PLCL1: variants seen among roughly 807,000 people sequenced by gnomAD.
PLCL1 encodes the protein phospholipase C like 1 (inactive), also known as inactive phospholipase C-like protein 1.
A neutral mutation model predicts 84.4 loss-of-function variants in PLCL1; 41 were observed. The ratio of observed to expected loss-of-function variants is 0.49; its 90% CI spans 0.38 to 0.63. PLCL1 has a LOEUF of 0.63. Among genes scored for constraint, PLCL1 ranks in the 30% least tolerant of loss-of-function variants. The pLI is 0.00. For synonymous variants in PLCL1, 490 were observed against 488.3 expected (o/e 1.00, Z -0.05); for missense variants, 1,206 against 1,367.8 (o/e 0.88, Z 1.87).
chr2:197,889,151 G>A (rs954709990), intron 1 of PLCL1, among the ~76,000 whole-genome samples: 1 of 152,162 alleles, frequency 6.6e-6, no homozygotes, highest in Non-Finnish European at 1.5e-5. Context: ...TTACAGATGA[G>A]GAAGTGAGAA....
In PLCL1 at chr2:197,903,697, GT is replaced by G. The variant is rs1245205507; in HGVS notation, c.240+98361del. On this transcript the variant is annotated intron_variant, in intron 1 of 5. Transcript: ENST00000428675. ...TTTTTGTATTTTTAGTAGAGACAGG[GT>G]TTCACCGTGTTAGCCGGGATGGTCT... Among the ~76,000 whole-genome samples, 5 of 121,260 alleles carry G rather than the reference GT, an allele frequency of 4.1e-5. No individual in the cohort carries two copies. The East Asian group carries it at 1.1e-3, about 27-fold the overall frequency. The allele number at this position is 121,260 out of a possible 152,430, so 79.6% of individuals were successfully genotyped here. A position where few individuals can be genotyped will look rare whatever the true frequency, so the allele number is the denominator to read the frequency against.
At chr2:197,830,405 C>T (rs1449532926) in intron 1 of PLCL1, among the ~76,000 whole-genome samples, 2 of 151,346 alleles carry the variant, frequency 1.3e-5, no homozygotes, top group Admixed American at 1.3e-4. Flanking sequence ...ATCGATCAAG[C>T]AGAAGAAAGG....
intron 4 of PLCL1, 62 bp from the exon 5 acceptor site, chr2:198,103,765 T>C: frequency 1.4e-6 from 1 of 738,788 alleles, no homozygotes; most frequent in Non-Finnish European, 2.3e-6. Context: ...AATATTTTCA[T>C]TATAAGATGC....
At chr2:198,056,540 C>A (rs79140082) in intron 1 of PLCL1, among the ~76,000 whole-genome samples, 1 of 152,172 alleles carries the variant, frequency 6.6e-6, no homozygotes, top group Non-Finnish European at 1.5e-5. Flanking sequence ...TCTTTCAAAG[C>A]CTCAGTTTCC....
At chr2:198,145,075 A>G (rs750472262) in intron 5 of PLCL1, among the ~76,000 whole-genome samples, 1 of 152,222 alleles carries the variant, frequency 6.6e-6, no homozygotes, top group Non-Finnish European at 1.5e-5. Context: ...ATGAACATGT[A>G]TAAAGCACAA....
chr2:197,895,402 GT>G (rs1408481297), intron 1 of PLCL1, among the ~76,000 whole-genome samples: 1 of 151,700 alleles, frequency 6.6e-6, no homozygotes, highest in Admixed American at 6.6e-5. Flanking sequence ...TTTTCTTTTT[GT>G]TATATATTTT....
rs1694596815 is a variant in PLCL1, at chr2:198,149,625, G to T, written c.*2663G>T. ...TATTTTCTGAATATAAAATATTAAT[G>T]GTCAATATAAAAATACAAAAATAGA... On this transcript the variant is annotated 3_prime_UTR_variant, in exon 6 of 6. Transcript: ENST00000428675. 1 of 151,886 alleles carries T rather than the reference G, an allele frequency of 6.6e-6. No individual in the cohort carries two copies. Among genetic ancestry groups the T allele is most frequent in the Admixed American group, 6.6e-5 (1 of 15,240 alleles). 9.4% of individuals were successfully genotyped at this position (151,886 alleles called of 1,614,324 possible).
chr2:197,826,287 C>G (rs2106421794), intron 1 of PLCL1, among the ~76,000 whole-genome samples: 1 of 152,308 alleles, frequency 6.6e-6, no homozygotes, highest in South Asian at 2.1e-4. Flanking sequence ...TCTACCTACG[C>G]TTCATCCTGT....
chr2:198,144,754 A>G (rs1694476636), intron 5 of PLCL1, among the ~76,000 whole-genome samples: 1 of 152,112 alleles, frequency 6.6e-6, no homozygotes, highest in Admixed American at 6.6e-5. Flanking sequence ...CTATCTCTAA[A>G]TTGTGTCAGG....
chr2:198,056,793 A>ATGTG (rs1692082637), intron 1 of PLCL1, among the ~76,000 whole-genome samples: 1 of 152,204 alleles, frequency 6.6e-6, no homozygotes, highest in African/African-American at 2.4e-5. Context: ...GAGACCTCAC[A>ATGTG]GTGTAGATAG....
intron 1 of PLCL1, among the ~76,000 whole-genome samples, chr2:198,077,000 T>C (rs1692590484): frequency 6.6e-6 from 1 of 152,200 alleles, no homozygotes; most frequent in African/African-American, 2.4e-5. Flanking sequence ...CTGAATTCCA[T>C]TCTGTGATCA....
chr2:197,963,154 C>A (rs745847499), intron 1 of PLCL1, among the ~76,000 whole-genome samples: 1 of 151,988 alleles, frequency 6.6e-6, no homozygotes, highest in Non-Finnish European at 1.5e-5. Flanking sequence ...ACCTCCAAAC[C>A]GTTCTCCATA....
At chr2:197,875,630 C>A (rs1313465018) in intron 1 of PLCL1, among the ~76,000 whole-genome samples, 1 of 151,942 alleles carries the variant, frequency 6.6e-6, no homozygotes, top group Non-Finnish European at 1.5e-5. Flanking sequence ...TATTTGATAT[C>A]TACTCTTTGC....
intron 1 of PLCL1, among the ~76,000 whole-genome samples, chr2:197,932,676 T>G (rs1688964726): frequency 6.6e-6 from 1 of 152,212 alleles, no homozygotes; most frequent in Admixed American, 6.5e-5. Context: ...AAGGCGTTTT[T>G]AACTTACTTC....
At chr2:197,816,911 A>G (rs1200361049) in intron 1 of PLCL1, among the ~76,000 whole-genome samples, 2 of 152,138 alleles carry the variant, frequency 1.3e-5, no homozygotes, top group Admixed American at 6.5e-5. Flanking sequence ...TGCAAAGTCA[A>G]TATGTGGGAA....
intron 1 of PLCL1, among the ~76,000 whole-genome samples, chr2:197,879,987 C>T (rs927540306): frequency 6.6e-5 from 10 of 152,052 alleles, no homozygotes; most frequent in South Asian, 2.1e-4. Context: ...ATATTTCTTT[C>T]GAAACAATTT....
intron 1 of PLCL1, among the ~76,000 whole-genome samples, chr2:197,871,035 C>T (rs575608055): frequency 2.6e-5 from 4 of 152,024 alleles, no homozygotes; most frequent in East Asian, 1.9e-4. Flanking sequence ...TGTAAAATTC[C>T]GTGTTTGGGA....
intron 1 of PLCL1, among the ~76,000 whole-genome samples, chr2:197,866,977 G>A (rs1409755175): frequency 6.6e-6 from 1 of 152,162 alleles, no homozygotes; most frequent in Non-Finnish European, 1.5e-5. Flanking sequence ...AGGACCAGTA[G>A]GATCAATGAC....
chr2:198,113,108 T>C (rs1375745650), intron 5 of PLCL1, among the ~76,000 whole-genome samples: 3 of 151,864 alleles, frequency 2.0e-5, no homozygotes, highest in African/African-American at 7.2e-5. Flanking sequence ...GTGGACGAGG[T>C]ATCTGAAAAG....
Sources: gnomAD v4.1 joint callset for allele counts (sites outside exome capture counted in the v4.1 genomes callset) on GRCh38, gnomAD v4.1.1 for gene constraint, MANE v1.5 for transcripts, NCBI Gene and HGNC (gene_info 2026-07-23, HGNC 2026-07-21) for gene names.